The following SLIT3 variants were observed in gnomAD, a reference collection of about 807,000 sequenced individuals.
SLIT3 encodes the protein slit guidance ligand 3.
A neutral mutation model predicts 184.0 loss-of-function variants in SLIT3; 68 were observed. The ratio of observed to expected loss-of-function variants is 0.37; its 90% confidence interval spans 0.30 to 0.45. The LOEUF (loss-of-function observed/expected upper bound fraction) is 0.45. SLIT3 is among the 20% of genes least tolerant of loss of function. The probability of loss-of-function intolerance (pLI) is 1.00; values close to 1 mark genes in which losing one functional copy is unlikely to be tolerated. For missense variants in SLIT3, 1,707 were observed against 2,026.0 expected (o/e 0.84, Z 3.02); for synonymous variants, 831 against 828.6 (o/e 1.00, Z -0.05).
chr5:168,827,686 T>A (rs1757748916), intron 6 of SLIT3, among the ~76,000 whole-genome samples: 1 of 152,112 alleles, frequency 6.6e-6, no homozygotes, highest in Non-Finnish European at 1.5e-5. Flanking sequence ...TGGGATGAGG[T>A]CATGGACATC....
Position 168,665,100 on chromosome 5 carries a change from G to GACTT in SLIT3, c.*1350_*1353dup, listed in dbSNP as rs1226204298. Reference sequence around the variant, plus strand: ...GGAAGAATCTCAAGCTTTGGGTCTGGACTTCTGGTCTGGCTCCTCCACTTA... The same window carrying GACTT: ...GGAAGAATCTCAAGCTTTGGGTCTGGACTTACTTCTGGTCTGGCTCCTCCACTTA... On this transcript the variant is annotated 3_prime_UTR_variant, in exon 36 of 36. Coordinates refer to ENST00000519560, the MANE Select transcript of SLIT3 (RefSeq NM_003062.4). 4 of 152,250 alleles carry GACTT rather than the reference G, an allele frequency of 2.6e-5. No individual in the cohort carries two copies. The highest frequency in any genetic ancestry group is 9.7e-5 in the African/African-American group (4 of 41,446). 9.4% of individuals were successfully genotyped at this position (152,250 alleles called of 1,614,324 possible).
intron 1 of SLIT3, among the ~76,000 whole-genome samples, chr5:169,259,346 A>G (rs568418626): frequency 6.6e-6 from 1 of 152,384 alleles, no homozygotes; most frequent in East Asian, 1.9e-4. Flanking sequence ...GGCGTGAGCC[A>G]TGGCACCTGG....
Position 169,168,732 on chromosome 5 carries a change from A to G in SLIT3, c.413+24747T>C, listed in dbSNP as rs537884112. ...TTTCATACTTTTAAACCACTCAGTT[A>G]CACCTGATCCCCTTCAAGGCCTCAA... On this transcript the variant is annotated intron_variant, in intron 4 of 35. Transcript: ENST00000519560. Among the ~76,000 whole-genome samples the G allele has an allele frequency of 3.4e-4, 52 of 152,352 alleles. No homozygotes were observed. In the South Asian group the frequency reaches 0.01, roughly 30 times the overall value.
chr5:169,063,570 T>C (rs1278140121), intron 4 of SLIT3, among the ~76,000 whole-genome samples: 1 of 152,210 alleles, frequency 6.6e-6, no homozygotes, highest in Admixed American at 6.5e-5. Flanking sequence ...TGCTCCACAA[T>C]CTATTCCACC....
chr5:168,758,697 G>C (rs575791245), intron 16 of SLIT3, among the ~76,000 whole-genome samples: 13 of 152,184 alleles, frequency 8.5e-5, no homozygotes, highest in Non-Finnish European at 1.6e-4. Context: ...CAGGGACGGA[G>C]GGAGGAAAGC....
At chr5:168,951,326 G>A (rs1762645643) in intron 4 of SLIT3, among the ~76,000 whole-genome samples, 1 of 152,190 alleles carries the variant, frequency 6.6e-6, no homozygotes, top group South Asian at 2.1e-4. Flanking sequence ...GGCAGGGAAA[G>A]GGAATATTAT....
intron 4 of SLIT3, among the ~76,000 whole-genome samples, chr5:168,914,819 C>T (rs1316530958): frequency 4.6e-5 from 7 of 152,054 alleles, no homozygotes; most frequent in Admixed American, 3.3e-4. Flanking sequence ...TGGGGAGGGT[C>T]GTTCATAAAA....
intron 4 of SLIT3, among the ~76,000 whole-genome samples, chr5:168,922,047 C>T (rs1761652855): frequency 6.6e-6 from 1 of 152,156 alleles, no homozygotes; most frequent in Non-Finnish European, 1.5e-5. Context: ...AAATGAACTC[C>T]ATTTTACAGA....
intron 32 of SLIT3, among the ~76,000 whole-genome samples, chr5:168,677,467 G>C (rs1761451025): frequency 6.6e-6 from 1 of 151,726 alleles, no homozygotes; most frequent in African/African-American, 2.4e-5. Context: ...TTTGTTTTTT[G>C]AGATGGAGTC....
chr5:168,857,303 G>A (rs1342057676), intron 5 of SLIT3, among the ~76,000 whole-genome samples: 1 of 152,206 alleles, frequency 6.6e-6, no homozygotes, highest in Non-Finnish European at 1.5e-5. Context: ...GAGGATGACA[G>A]CCACTGTTCT....
intron 4 of SLIT3, among the ~76,000 whole-genome samples, chr5:169,117,075 G>T (rs947123493): frequency 1.3e-5 from 2 of 152,188 alleles, no homozygotes; most frequent in Non-Finnish European, 2.9e-5. Flanking sequence ...CAAGTCAGAG[G>T]CTGCCCCAAG....
chr5:168,897,261 C>T (rs1447689487), intron 4 of SLIT3, among the ~76,000 whole-genome samples: 1 of 152,170 alleles, frequency 6.6e-6, no homozygotes, highest in Admixed American at 6.5e-5. Flanking sequence ...CTGCTTGAGG[C>T]AGGACTCCTT....
intron 5 of SLIT3, among the ~76,000 whole-genome samples, chr5:168,851,088 C>T (rs541739110): frequency 1.0e-3 from 153 of 152,148 alleles, no homozygotes; most frequent in Non-Finnish European, 2.0e-3. Flanking sequence ...CTTTGGGAGG[C>T]CGAGGCAGGG....
At chr5:169,014,934 G>C (rs1249932057) in intron 4 of SLIT3, among the ~76,000 whole-genome samples, 1 of 152,174 alleles carries the variant, frequency 6.6e-6, no homozygotes, top group African/African-American at 2.4e-5. Flanking sequence ...CTGGGTGACA[G>C]AGCGAGACTC....
Position 168,883,289 on chromosome 5 carries a change from CG to C in SLIT3, c.460del (p.Arg154AlafsTer6). On this transcript the variant is annotated frameshift_variant, in exon 5 of 36. Coordinates refer to ENST00000519560, the MANE Select transcript of SLIT3 (RefSeq NM_003062.4). LOFTEE classifies it high-confidence loss of function. ...QIQGIPRKAF[R>X]GITDVKNLQL... The stretch of plus-strand genomic sequence containing the variant: ...CAGGTTCTTCACATCGGTGATGCCG[CG>C]GAACGCCTTCCTCGGGATCCCCTGG... The C allele has an allele frequency of 1.2e-6, 2 of 1,614,100 alleles. No individual in the cohort carries two copies. Among genetic ancestry groups the C allele is most frequent in the Non-Finnish European group, 1.7e-6 (2 of 1,179,930 alleles).
At chr5:168,861,356 T>C (rs1759099826) in intron 5 of SLIT3, among the ~76,000 whole-genome samples, 1 of 152,002 alleles carries the variant, frequency 6.6e-6, no homozygotes, top group African/African-American at 2.4e-5. Context: ...TCTATGACTC[T>C]TGGTAGAGCA....
At chr5:168,681,256 TTGTTGATA>T in intron 32 of SLIT3, among the ~76,000 whole-genome samples, 1 of 152,344 alleles carries the variant, frequency 6.6e-6, no homozygotes. Context: ...GAACCACTGC[TTGTTGATA>T]TGTGTGTCTT....
intron 4 of SLIT3, among the ~76,000 whole-genome samples, chr5:169,075,884 C>A (rs577087671): frequency 1.8e-4 from 28 of 152,330 alleles, no homozygotes; most frequent in African/African-American, 6.5e-4. Context: ...ACTTACCTAC[C>A]AACCTAGTTT....
chr5:168,939,700 C>T (rs1258347292), intron 4 of SLIT3, among the ~76,000 whole-genome samples: 1 of 152,162 alleles, frequency 6.6e-6, no homozygotes, highest in Admixed American at 6.5e-5. Flanking sequence ...CAAGACTTTC[C>T]ACAGATGCAC....
Sources: gnomAD v4.1 joint callset for allele counts (sites outside exome capture counted in the v4.1 genomes callset) on GRCh38, gnomAD v4.1.1 for gene constraint, MANE v1.5 for transcripts, NCBI Gene and HGNC (gene_info 2026-07-23, HGNC 2026-07-21) for gene names.